Variants in CLSTN2 observed in about 807,000 individuals in gnomAD.
The protein encoded by CLSTN2 is calsyntenin-2.
CLSTN2 carries 48 observed loss-of-function variants against 101.2 expected under a neutral mutation model. The observed-to-expected ratio is 0.47, with a 90% CI of 0.38 to 0.60. The LOEUF is 0.60. CLSTN2 is among the 20% of genes least tolerant of loss of function. The pLI, the probability that CLSTN2 is intolerant of heterozygous loss-of-function variation, is 0.00. For synonymous variants in CLSTN2, 481 were observed against 463.6 expected (o/e 1.04, Z -0.48); for missense variants, 1,160 against 1,238.2 (o/e 0.94, Z 0.95).
intron 2 of CLSTN2, among the ~76,000 whole-genome samples, chr3:140,206,236 C>G (rs1280134733): frequency 6.6e-6 from 1 of 152,130 alleles, no homozygotes; most frequent in Non-Finnish European, 1.5e-5. Context: ...CAGGATGCAG[C>G]CCAGAGGGAG....
chr3:140,231,641 G>A (rs563952148), intron 2 of CLSTN2, among the ~76,000 whole-genome samples: 9 of 152,252 alleles, frequency 5.9e-5, no homozygotes, highest in African/African-American at 1.7e-4. Context: ...ATGATGTCAC[G>A]TTGCTCCATT....
intron 5 of CLSTN2, among the ~76,000 whole-genome samples, chr3:140,445,735 C>T (rs972174052): frequency 6.6e-6 from 1 of 152,100 alleles, no homozygotes; most frequent in Non-Finnish European, 1.5e-5. Flanking sequence ...GCTACCAAGG[C>T]AGCAATCAAG....
At chr3:140,149,710 AC>A (rs2009832928) in intron 1 of CLSTN2, among the ~76,000 whole-genome samples, 1 of 152,048 alleles carries the variant, frequency 6.6e-6, no homozygotes. Context: ...ACCCACCTTG[AC>A]CTTCCAAAGT....
intron 2 of CLSTN2, among the ~76,000 whole-genome samples, chr3:140,256,262 G>A (rs951628912): frequency 6.6e-6 from 1 of 152,114 alleles, no homozygotes; most frequent in African/African-American, 2.4e-5. Flanking sequence ...TTTGATGTTT[G>A]CCTAACATTT....
chr3:140,039,345 C>T (rs113497383), intron 1 of CLSTN2, among the ~76,000 whole-genome samples: 7,191 of 152,198 alleles, frequency 0.047, 522 homozygotes, highest in African/African-American at 0.15. Context: ...AAACAGCAAT[C>T]ACTTTAGTAG....
chr3:140,260,153 T>C (rs2086638890), intron 2 of CLSTN2, among the ~76,000 whole-genome samples: 1 of 147,906 alleles, frequency 6.8e-6, no homozygotes, highest in Admixed American at 6.8e-5. Flanking sequence ...TATATATATA[T>C]ATATTATATA....
chr3:139,960,908 T>G (rs892611944), intron 1 of CLSTN2, among the ~76,000 whole-genome samples: 3 of 152,186 alleles, frequency 2.0e-5, no homozygotes, highest in African/African-American at 7.2e-5. Flanking sequence ...AAATAGGTCT[T>G]GAAAAACTGA....
chr3:140,566,545 C>T lies in CLSTN2; in HGVS notation c.*292C>T, dbSNP rs921905357. ...CCTGACTACCTGTCTGCAGAGTTTG[C>T]CTTTGTTTTTTCCTGCAGGGAAGAA... On this transcript the variant is annotated 3_prime_UTR_variant, in exon 17 of 17. Transcript: ENST00000458420. 2 of 433,984 alleles carry T rather than the reference C, an allele frequency of 4.6e-6. No individual in the cohort carries two copies. The highest frequency in any genetic ancestry group is 8.4e-6 in the Non-Finnish European group (2 of 236,870). The allele number at this position is 433,984 out of a possible 1,614,324, so 26.9% of individuals were successfully genotyped here. A position where few individuals can be genotyped will look rare whatever the true frequency, so the allele number is the denominator to read the frequency against.
At chr3:140,452,026 T>A (rs1487620185) in intron 6 of CLSTN2, among the ~76,000 whole-genome samples, 1 of 152,124 alleles carries the variant, frequency 6.6e-6, no homozygotes, top group Non-Finnish European at 1.5e-5. Context: ...ACTCAATGAT[T>A]GATTAGCTGT....
intron 15 of CLSTN2, among the ~76,000 whole-genome samples, chr3:140,563,596 A>C (rs1001496032): frequency 6.6e-6 from 1 of 152,300 alleles, no homozygotes; most frequent in South Asian, 2.1e-4. Context: ...TCTGGTGGGC[A>C]CTTGTATCTG....
At chr3:140,333,682 C>CTGTGTTTG (rs2087410629) in intron 2 of CLSTN2, among the ~76,000 whole-genome samples, 1 of 147,562 alleles carries the variant, frequency 6.8e-6, no homozygotes, top group African/African-American at 2.5e-5. Flanking sequence ...AGAGTGGAGA[C>CTGTGTTTG]TGTGTGTGTG....
intron 1 of CLSTN2, among the ~76,000 whole-genome samples, chr3:140,036,623 T>C (rs772913977): frequency 5.3e-5 from 8 of 152,130 alleles, no homozygotes; most frequent in Non-Finnish European, 1.2e-4. Flanking sequence ...CCTTCACAAT[T>C]GTGTATGAAG....
intron 4 of CLSTN2, among the ~76,000 whole-genome samples, chr3:140,405,951 A>G (rs1399301062): frequency 6.6e-6 from 1 of 152,220 alleles, no homozygotes; most frequent in Non-Finnish European, 1.5e-5. Context: ...AGTGCCAGGC[A>G]TGGTGCTGAA....
intron 1 of CLSTN2, among the ~76,000 whole-genome samples, chr3:140,063,908 T>A (rs1447502301): frequency 6.6e-6 from 1 of 152,142 alleles, no homozygotes; most frequent in African/African-American, 2.4e-5. Context: ...CATTTGACCC[T>A]CTCTGGACAA....
intron 1 of CLSTN2, among the ~76,000 whole-genome samples, chr3:139,987,843 A>T (rs1452209133): frequency 6.6e-6 from 1 of 152,216 alleles, no homozygotes; most frequent in East Asian, 1.9e-4. Flanking sequence ...AGATACAGGA[A>T]CTGGAATGAT....
In CLSTN2 at chr3:139,942,947, G is replaced by A. The variant is rs545794425; in HGVS notation, c.109+7464G>A. ...AGCTCAAGACCCTCTACTCATATCAGTCCTCCCCAGAGATTGGCCAGAGAT... is the reference window on the plus strand; with the variant it reads ...AGCTCAAGACCCTCTACTCATATCAATCCTCCCCAGAGATTGGCCAGAGAT... On this transcript the variant is annotated intron_variant, in intron 1 of 16. Coordinates refer to ENST00000458420, the MANE Select transcript of CLSTN2 (RefSeq NM_022131.3). Among the ~76,000 whole-genome samples the A allele has an allele frequency of 7.3e-4, 111 of 152,222 alleles. 1 individual carries two copies. The highest frequency in any genetic ancestry group is 1.1e-3 in the Non-Finnish European group (77 of 68,020).
At chr3:140,496,713 C>T (rs1934473617) in intron 8 of CLSTN2, among the ~76,000 whole-genome samples, 1 of 152,086 alleles carries the variant, frequency 6.6e-6, no homozygotes, top group South Asian at 2.1e-4. Flanking sequence ...TGGGTACTGA[C>T]CTGTTGTTGG....
chr3:140,214,444 ACT>A (rs1341122531), intron 2 of CLSTN2, among the ~76,000 whole-genome samples: 10 of 86,654 alleles, frequency 1.2e-4, no homozygotes, highest in African/African-American at 4.7e-4. Flanking sequence ...TTGCAGTGAG[ACT>A]CTGTCTTAAA....
Position 140,143,510 on chromosome 3 carries a change from C to G in CLSTN2, c.110-32441C>G, listed in dbSNP as rs2107810274. ...ATTTTCTTTATTCAGTATACTGATT[C>G]AAATTGCTAATTTCCTCCAGAAACA... On this transcript the variant is annotated intron_variant, in intron 1 of 16. Transcript: ENST00000458420. 1.3e-5 allele frequency among the ~76,000 whole-genome samples: 2 copies of G among 152,314 alleles called. 1 individual carries two copies. Among genetic ancestry groups the G allele is most frequent in the Middle Eastern group, 6.8e-3 (2 of 294 alleles).
Sources: allele counts gnomAD v4.1 joint callset (sites outside exome capture counted in the v4.1 genomes callset), GRCh38; gene constraint gnomAD v4.1.1; transcripts MANE v1.5; gene names NCBI Gene and HGNC (gene_info 2026-07-23, HGNC 2026-07-21).